AMER3: variants seen among roughly 807,000 people sequenced by gnomAD.
AMER3 encodes the protein family with sequence similarity 123C.
For synonymous variants in AMER3, 541 were observed against 485.5 expected, an observed-to-expected ratio of 1.11 and a Z score of -1.50; for missense variants, 1,201 against 1,139.4, an observed-to-expected ratio of 1.05 and a Z score of -0.78.
In AMER3 at chr2:130,763,693, A is replaced by G; in HGVS notation, c.1621A>G (p.Thr541Ala). 1 of 1,525,996 alleles carries G rather than the reference A, an allele frequency of 6.6e-7. No homozygotes were observed. The highest frequency in any genetic ancestry group is 8.8e-7 in the Non-Finnish European group (1 of 1,139,740). 94.5% of individuals were successfully genotyped at this position (1,525,996 alleles called of 1,614,324 possible). A position where few individuals can be genotyped will look rare whatever the true frequency, so the allele number is the denominator to read the frequency against. ...PGSQGAPRAPTEKLGGREGLA... is the reference protein window; with the variant it reads ...PGSQGAPRAPAEKLGGREGLA... ...TTCCCAGGGAGCCCCTAGGGCACCC[A>G]CAGAGAAGCTGGGGGGCAGGGAGGG... Residue 541 changes from threonine to alanine, a missense_variant, in exon 2 of 2, where the codon ACA becomes GCA. Transcript: ENST00000321420.
rs1264230393 is a variant in AMER3, at chr2:130,762,923, C to T, written c.851C>T (p.Pro284Leu). 2 of 1,612,772 alleles carry T rather than the reference C, an allele frequency of 1.2e-6. No homozygotes were observed. Among genetic ancestry groups the T allele is most frequent in the Admixed American group, 3.3e-5 (2 of 60,022 alleles). ...GCTCAGGGCCTGGAGAGCAAGGTTC[C>T]CAGGGGCCCTCTCCAGGGCAGTGTG... is the stretch of plus-strand genomic sequence containing the variant. ...QAAQGLESKV[P>L]RGPLQGSVEQ... The change falls in exon 2 of 2, where the codon CCC (proline) becomes CTC (leucine). Residue 284 changes from proline (P) to leucine (L), a missense_variant. Coordinates refer to ENST00000321420, the MANE Select transcript of AMER3 (RefSeq NM_152698.3).
chr2:130,764,623 G>A lies in AMER3; in HGVS notation c.2551G>A (p.Ala851Thr). ...GLLCGQPEVG[A>T]SGPAMAEPHL ...CCTCTGTGGCCAGCCAGAAGTGGGG[G>A]CCTCTGGGCCAGCCATGGCTGAGCC... Residue 851 changes from alanine (A) to threonine (T), a missense_variant, in exon 2 of 2, where the codon GCC becomes ACC. Coordinates refer to ENST00000321420, the MANE Select transcript of AMER3 (RefSeq NM_152698.3). 6.2e-7 allele frequency: 1 copy of A among 1,607,948 alleles called. No individual in the cohort carries two copies. Among genetic ancestry groups the A allele is most frequent in the Non-Finnish European group, 8.5e-7 (1 of 1,178,626 alleles).
Position 130,762,987 on chromosome 2 carries a change from C to A in AMER3, c.915C>A (p.Asp305Glu), listed in dbSNP as rs1221196229. 1 of 1,613,340 alleles carries A rather than the reference C, an allele frequency of 6.2e-7. No homozygotes were observed. The highest frequency in any genetic ancestry group is 1.1e-5 in the South Asian group (1 of 91,074). The change falls in exon 2 of 2, where the codon GAC becomes GAA. Residue 305 changes from aspartate (D) to glutamate (E), a missense_variant. Asp to Glu is a conservative substitution (Grantham distance 45). Transcript: ENST00000321420. ...CGCCCGCCCAGAATGAAGCCTCTGA[C>A]TTCACCAGGTTCTGGGACAGTGTGA... ...LASPAQNEAS[D>E]FTRFWDSVNR...
chr2:130,761,789 T>C (rs1414668710), intron 1 of AMER3, among the ~76,000 whole-genome samples: 1 of 152,164 alleles, frequency 6.6e-6, no homozygotes, highest in Admixed American at 6.5e-5. Flanking sequence ...ACACGGAGTC[T>C]GAATGGGCCA....
In AMER3 at chr2:130,763,554, G is replaced by C; in HGVS notation, c.1482G>C (p.Leu494=). Residue 494 remains leucine, a synonymous_variant, in exon 2 of 2, where the codon CTG becomes CTC. Coordinates refer to ENST00000321420, the MANE Select transcript of AMER3 (RefSeq NM_152698.3). ...GCTCCTGGAAGGGCAAGGAGTGCCT[G>C]CTGAAGCTGTGTGACACTGAGCTCG... The part of the protein sequence containing the change: ...LQSSWKGKEC[L]LKLCDTELAI... 2 of 1,612,438 alleles carry C rather than the reference G, an allele frequency of 1.2e-6. No homozygotes were observed. Among genetic ancestry groups the C allele is most frequent in the Non-Finnish European group, 1.7e-6 (2 of 1,179,842 alleles).
chr2:130,757,848 A>G (rs775878646), intron 1 of AMER3, among the ~76,000 whole-genome samples: 2 of 152,232 alleles, frequency 1.3e-5, no homozygotes, highest in African/African-American at 2.4e-5. Context: ...AATGATGCAC[A>G]TAGGCCGGGA....
chr2:130,759,208 A>G (rs1487375010), intron 1 of AMER3, among the ~76,000 whole-genome samples: 1 of 152,224 alleles, frequency 6.6e-6, no homozygotes, highest in Non-Finnish European at 1.5e-5. Flanking sequence ...CAATAAACTC[A>G]GGAGATGGGC....
In AMER3 at chr2:130,764,073, G is replaced by A. The variant is rs79461100; in HGVS notation, c.2001G>A (p.Leu667=). 7,285 of 1,612,194 alleles carry A rather than the reference G, an allele frequency of 4.5e-3. 22 individuals are homozygous for A. Among genetic ancestry groups the A allele is most frequent in the Non-Finnish European group, 5.7e-3 (6,777 of 1,179,422 alleles). Residue 667 remains leucine, a synonymous_variant, in exon 2 of 2, where the codon CTG becomes CTA. Coordinates refer to ENST00000321420, the MANE Select transcript of AMER3 (RefSeq NM_152698.3). Reference sequence around the variant, plus strand: ...GGCCAGGTCACGGAGGTGACACTCTGGATGCAGAGCCCATGCTGGCAGGCT... The same window carrying A: ...GGCCAGGTCACGGAGGTGACACTCTAGATGCAGAGCCCATGCTGGCAGGCT... ...PWRPGHGGDT[L]DAEPMLAGCV...
Sources: allele counts gnomAD v4.1 joint callset (sites outside exome capture counted in the v4.1 genomes callset), GRCh38; gene constraint gnomAD v4.1.1; transcripts MANE v1.5; gene names NCBI Gene and HGNC (gene_info 2026-07-23, HGNC 2026-07-21).